MTAP: variants seen among roughly 807,000 people sequenced by gnomAD.
The protein encoded by MTAP is S-methyl-5'-thioadenosine phosphorylase.
Under a neutral mutation model 33.6 loss-of-function variants are expected in MTAP, and 33 were observed. The ratio of observed to expected loss-of-function variants is 0.98; its 90% CI spans 0.74 to 1.31. MTAP has a LOEUF of 1.31. Ranked by LOEUF, MTAP falls within the 40% of genes most tolerant of loss-of-function variation. The probability of loss-of-function intolerance (pLI) is 0.00; values close to 1 mark genes in which losing one functional copy is unlikely to be tolerated. For missense variants in MTAP, 367 were observed against 360.0 expected (o/e 1.02, Z -0.16); for synonymous variants, 148 against 125.7 (o/e 1.18, Z -1.19).
chr9:21,853,592 T>A (rs1227981255), intron 5 of MTAP, among the ~76,000 whole-genome samples: 2 of 152,210 alleles, frequency 1.3e-5, no homozygotes, highest in East Asian at 1.9e-4. Flanking sequence ...ACTTTGACTT[T>A]GAGTCACTCC....
chr9:21,815,702 G>C, intron 2 of MTAP, 183 bp downstream of exon 2: 1 of 592,738 alleles, frequency 1.7e-6, no homozygotes, highest in Non-Finnish European at 3.0e-6. Context: ...GGTGTCTGAT[G>C]GGCGCCTCAC....
chr9:21,808,508 G>C (rs1824264328), intron 1 of MTAP, among the ~76,000 whole-genome samples: 2 of 150,830 alleles, frequency 1.3e-5, no homozygotes, highest in South Asian at 2.1e-4. Context: ...AGGGTCACTT[G>C]AACCCAGGAG....
intron 1 of MTAP, among the ~76,000 whole-genome samples, chr9:21,921,983 T>C (rs539904570): frequency 6.6e-6 from 1 of 152,088 alleles, no homozygotes; most frequent in Admixed American, 6.5e-5. Context: ...GATGGTCAGG[T>C]AGTTGTTAAG....
At chr9:21,827,119 C>G (rs1202191181) in intron 4 of MTAP, among the ~76,000 whole-genome samples, 1 of 152,222 alleles carries the variant, frequency 6.6e-6, no homozygotes, top group African/African-American at 2.4e-5. Flanking sequence ...GGGCCACCCC[C>G]TCCCCTATTC....
intron 1 of MTAP, among the ~76,000 whole-genome samples, chr9:21,899,683 A>G (rs1818357777): frequency 6.6e-6 from 1 of 152,170 alleles, no homozygotes; most frequent in Non-Finnish European, 1.5e-5. Context: ...ACTCATTGTC[A>G]TGAGAACAAC....
At chr9:21,886,840 G>C (rs999647561) in intron 1 of MTAP, among the ~76,000 whole-genome samples, 1 of 152,162 alleles carries the variant, frequency 6.6e-6, no homozygotes, top group Non-Finnish European at 1.5e-5. Context: ...GGTCACCATA[G>C]CCTTATAGAA....
At chr9:21,819,064 T>G (rs915243774) in intron 4 of MTAP, among the ~76,000 whole-genome samples, 1 of 152,232 alleles carries the variant, frequency 6.6e-6, no homozygotes, top group Admixed American at 6.5e-5. Context: ...TTCACCCATG[T>G]TGTGGCAATT....
Position 21,818,344 on chromosome 9 carries a change from T to TG in MTAP, c.347+144dup, listed in dbSNP as rs1491133515. The TG allele has an allele frequency of 7.0e-6, 4 of 574,206 alleles. No homozygotes were observed. The African/African-American group carries it at 1.2e-4, about 17-fold the overall frequency. 35.6% of individuals were successfully genotyped at this position (574,206 alleles called of 1,614,324 possible). A position where few individuals can be genotyped will look rare whatever the true frequency, so the allele number is the denominator to read the frequency against. On this transcript the variant is annotated intron_variant, in intron 4 of 7. Coordinates refer to ENST00000644715, the MANE Select transcript of MTAP (RefSeq NM_002451.4). ...TTTTTTTTTTTTTTTTTTTTTTTTT[T>TG]GGAGACGGAGCCTCACTCTGTCTCC... is the stretch of plus-strand genomic sequence containing the variant.
chr9:21,854,966 G>C, intron 6 of MTAP, 96 bp downstream of exon 6: 1 of 1,487,848 alleles, frequency 6.7e-7, no homozygotes. Context: ...GTTTCAGAAA[G>C]TGCCTTTCTA....
Position 21,865,270 on chromosome 9 carries a change from T to G in MTAP, c.*3256T>G. ...GGCTTTTCCCCCTTTTGCTCAACAC[T>G]TCTTCCTGCCATCATGTGAAGAAGG... On this transcript the variant is annotated 3_prime_UTR_variant, in exon 8 of 8. Coordinates refer to ENST00000644715, the MANE Select transcript of MTAP (RefSeq NM_002451.4). 1 of 438,660 alleles carries G rather than the reference T, an allele frequency of 2.3e-6. No homozygotes were observed. Among genetic ancestry groups the G allele is most frequent in the Non-Finnish European group, 3.0e-6 (1 of 330,526 alleles). 27.2% of individuals were successfully genotyped at this position (438,660 alleles called of 1,614,324 possible).
chr9:21,838,819 C>T (rs1825172730), intron 5 of MTAP, among the ~76,000 whole-genome samples: 1 of 152,212 alleles, frequency 6.6e-6, no homozygotes, highest in Admixed American at 6.5e-5. Context: ...AGGTGCAACT[C>T]AAAAGATCAG....
At chr9:21,827,818 C>T (rs1824861133) in intron 4 of MTAP, among the ~76,000 whole-genome samples, 1 of 152,136 alleles carries the variant, frequency 6.6e-6, no homozygotes, top group South Asian at 2.1e-4. Context: ...TGGCTGTCAA[C>T]GTCCATGTGT....
At chr9:21,913,059 A>T (rs1818607644) in intron 1 of MTAP, among the ~76,000 whole-genome samples, 1 of 152,202 alleles carries the variant, frequency 6.6e-6, no homozygotes, top group African/African-American at 2.4e-5. Context: ...ATACCTAGGA[A>T]TCCAACTTAC....
At chr9:21,871,656 C>CT (rs972416269), downstream of MTAP, among the ~76,000 whole-genome samples, 1 of 152,032 alleles carries the variant, frequency 6.6e-6, no homozygotes. Context: ...AAATTTATGC[C>CT]TATAGAAGTT....
intron 1 of MTAP, among the ~76,000 whole-genome samples, chr9:21,914,896 A>T (rs1037995994): frequency 6.6e-6 from 1 of 151,846 alleles, no homozygotes; most frequent in African/African-American, 2.4e-5. Flanking sequence ...ATTTTATATG[A>T]AAAGAGTCAT....
intron 1 of MTAP, among the ~76,000 whole-genome samples, chr9:21,904,793 T>C (rs1312034698): frequency 6.6e-6 from 1 of 152,218 alleles, no homozygotes; most frequent in Non-Finnish European, 1.5e-5. Flanking sequence ...ACATAATTTG[T>C]CCAGGGATTG....
intron 5 of MTAP, among the ~76,000 whole-genome samples, chr9:21,838,713 T>G (rs769434179): frequency 1.1e-4 from 17 of 152,168 alleles, no homozygotes; most frequent in Non-Finnish European, 1.9e-4. Flanking sequence ...GAATCACAGT[T>G]TTAGTTCCCA....
chr9:21,857,495 G>C (rs1825667746), intron 6 of MTAP, among the ~76,000 whole-genome samples: 1 of 152,096 alleles, frequency 6.6e-6, no homozygotes, highest in East Asian at 1.9e-4. Context: ...CCTGAATGCT[G>C]GATTTCTTCG....
chr9:21,821,601 C>T (rs1824641557), intron 4 of MTAP, among the ~76,000 whole-genome samples: 1 of 152,126 alleles, frequency 6.6e-6, no homozygotes, highest in Admixed American at 6.6e-5. Context: ...TTGGTTGTGT[C>T]TCTGCCAGGC....
Sources: gnomAD v4.1 joint callset for allele counts (sites outside exome capture counted in the v4.1 genomes callset) on GRCh38, gnomAD v4.1.1 for gene constraint, MANE v1.5 for transcripts, NCBI Gene and HGNC (gene_info 2026-07-23, HGNC 2026-07-21) for gene names.